Variants in MX2 observed in about 807,000 individuals in gnomAD.
MX2 encodes MX dynamin like GTPase 2.
In MX2, 51 loss-of-function variants were observed where a neutral mutation model predicts 74.0. The ratio of observed to expected loss-of-function variants is 0.69; its 90% CI spans 0.55 to 0.87. MX2 has a LOEUF of 0.87. Ranked by LOEUF, MX2 falls within the 40% of genes least tolerant of loss-of-function variation. The probability of loss-of-function intolerance (pLI) is 0.00; values close to 1 mark genes in which losing one functional copy is unlikely to be tolerated. For missense variants in MX2, 832 were observed against 908.7 expected (o/e 0.92, Z 1.09); for synonymous variants, 369 against 339.3 (o/e 1.09, Z -0.96).
chr21:41,372,334 T>A (rs1253359705), intron 1 of MX2, among the ~76,000 whole-genome samples: 4 of 152,246 alleles, frequency 2.6e-5, no homozygotes, highest in African/African-American at 9.6e-5. Flanking sequence ...CTCATGGCAC[T>A]CAAGGACAGG....
intron 13 of MX2, 54 bp from the exon 14 acceptor site, chr21:41,407,937 C>A (rs1180496202): frequency 6.2e-7 from 1 of 1,603,436 alleles, no homozygotes; most frequent in Non-Finnish European, 8.5e-7. Context: ...TCTCTGCAAC[C>A]ACAGGCCTTG....
Position 41,402,050 on chromosome 21 carries a change from A to G in MX2, c.1495A>G (p.Lys499Glu). 6.2e-7 allele frequency: 1 copy of G among 1,614,210 alleles called. No individual in the cohort carries two copies. The highest frequency in any genetic ancestry group is 8.5e-7 in the Non-Finnish European group (1 of 1,180,040). Reference sequence around the variant, plus strand: ...GGAGCTTCTGGGATTTGTCAACTACAAGACATTTGAGATCATCGTGCATCA... The same window carrying G: ...GGAGCTTCTGGGATTTGTCAACTACGAGACATTTGAGATCATCGTGCATCA... ...GKELLGFVNY[K>E]TFEIIVHQYI... The change falls in exon 11 of 14, where the codon AAG (lysine) becomes GAG (glutamate). Residue 499 changes from lysine (K) to glutamate (E), a missense_variant. Lys to Glu is a moderately conservative substitution (Grantham distance 56). Coordinates refer to ENST00000330714, the MANE Select transcript of MX2 (RefSeq NM_002463.2). This position sits in a 1 kb window ranked among gnomAD's most constrained non-coding sequence, Gnocchi z 4.5.
At position 41,380,250 on chromosome 21, in the gene MX2, C is replaced by A; in HGVS notation, c.577+99C>A. On this transcript the variant is annotated intron_variant, in intron 4 of 13. Transcript: ENST00000330714. This position sits in a 1 kb window ranked among gnomAD's most constrained non-coding sequence, Gnocchi z 4.3. Reference sequence around the variant, plus strand: ...TCAAGTCACCCCCACAGTGACCACTCAGCTCCTAGCCCCATGTGCTCCCAC... The same window carrying A: ...TCAAGTCACCCCCACAGTGACCACTAAGCTCCTAGCCCCATGTGCTCCCAC... 1 of 1,516,686 alleles carries A rather than the reference C, an allele frequency of 6.6e-7. No homozygotes were observed. The highest frequency in any genetic ancestry group is 1.2e-5 in the South Asian group (1 of 80,834). The allele number at this position is 1,516,686 out of a possible 1,614,324, so 94.0% of individuals were successfully genotyped here.
intron 1 of MX2, among the ~76,000 whole-genome samples, chr21:41,376,555 A>G (rs891915033): frequency 1.7e-3 from 208 of 120,380 alleles, no homozygotes; most frequent in African/African-American, 5.2e-3. Context: ...CTCAACAACA[A>G]CAACAACAAC....
At chr21:41,382,698 G>A in intron 5 of MX2, 134 bp downstream of exon 5, 1 of 1,185,686 alleles carries the variant, frequency 8.4e-7, no homozygotes, top group Non-Finnish European at 1.2e-6. Flanking sequence ...GACCTGCCCA[G>A]GTGGGGGCCT....
intron 6 of MX2, 41 bp from the exon 7 acceptor site, chr21:41,395,546 A>T (rs1568945509): frequency 6.2e-7 from 1 of 1,600,572 alleles, no homozygotes; most frequent in East Asian, 2.2e-5. Flanking sequence ...GTTTGAGGGG[A>T]TCACTGACCT....
At chr21:41,376,809 G>A in intron 1 of MX2, 27 bp from the exon 2 acceptor site, 4 of 1,545,156 alleles carry the variant, frequency 2.6e-6, no homozygotes, top group Admixed American at 1.8e-5. Context: ...TGACCTGTGG[G>A]CCGCTCTCCC....
In MX2 at chr21:41,387,573, G is replaced by A. The variant is rs11910411; in HGVS notation, c.733-2992G>A. ...CTGTTGGTCTCTCCTTAAGTGAATT[G>A]TTCCTCACTTCCCTGACCTCCAAAT... On this transcript the variant is annotated intron_variant, in intron 5 of 13. Transcript: ENST00000330714. 8.5e-5 allele frequency among the ~76,000 whole-genome samples: 13 copies of A among 152,090 alleles called. No individual in the cohort carries two copies. In the South Asian group the frequency reaches 2.5e-3, roughly 29 times the overall value.
At chr21:41,391,188 A>G (rs915066028) in intron 6 of MX2, among the ~76,000 whole-genome samples, 2 of 152,126 alleles carry the variant, frequency 1.3e-5, no homozygotes, top group South Asian at 2.1e-4. Context: ...GGTAATATCA[A>G]CTGCCCAGTA....
chr21:41,372,729 A>G (rs2089341349), intron 1 of MX2, among the ~76,000 whole-genome samples: 1 of 152,204 alleles, frequency 6.6e-6, no homozygotes, highest in South Asian at 2.1e-4. Flanking sequence ...TCCCCAAATC[A>G]TAAGCAGCTC....
intron 3 of MX2, among the ~76,000 whole-genome samples, chr21:41,378,220 C>CCGGGAGAGACAGACCAT: frequency 6.6e-6 from 1 of 151,166 alleles, no homozygotes; most frequent in African/African-American, 2.4e-5. Context: ...AGACAGGTCA[C>CCGGGAGAGACAGACCAT]TGGGAGAGAC....
intron 1 of MX2, among the ~76,000 whole-genome samples, chr21:41,375,273 G>A (rs964932895): frequency 6.6e-6 from 1 of 152,232 alleles, no homozygotes; most frequent in Non-Finnish European, 1.5e-5. Context: ...TGCCAGGAGT[G>A]AGGGCTTGGT....
intron 10 of MX2, 110 bp downstream of exon 10, chr21:41,399,447 C>T (rs1456005811): frequency 1.7e-6 from 2 of 1,195,226 alleles, no homozygotes; most frequent in South Asian, 1.6e-5. Flanking sequence ...CATCCAAGAC[C>T]GTGGAACCCT....
At chr21:41,394,715 G>T (rs1022587563) in intron 6 of MX2, among the ~76,000 whole-genome samples, 6 of 152,124 alleles carry the variant, frequency 3.9e-5, no homozygotes, top group African/African-American at 1.2e-4. Context: ...GGCTGAGGTG[G>T]GTGGATCATG....
At chr21:41,378,375 G>A (rs1036691462) in intron 3 of MX2, among the ~76,000 whole-genome samples, 2 of 152,098 alleles carry the variant, frequency 1.3e-5, no homozygotes, top group Admixed American at 6.5e-5. Context: ...CAGGCCTGGT[G>A]GCAGGGGGCT....
rs530993431 is a variant in MX2 at position 41,380,874 on chromosome 21, C to T, written c.577+723C>T. On this transcript the variant is annotated intron_variant, in intron 4 of 13. Coordinates refer to ENST00000330714, the MANE Select transcript of MX2 (RefSeq NM_002463.2). This position sits in a 1 kb window ranked among gnomAD's most constrained non-coding sequence, Gnocchi z 4.3. ...TCTCAACCTCCCTAAAGGCTTCTCCCCTATCCTGCCTGCACAGCCTGTCCT... is the reference window on the plus strand; with the variant it reads ...TCTCAACCTCCCTAAAGGCTTCTCCTCTATCCTGCCTGCACAGCCTGTCCT... 6.6e-5 allele frequency among the ~76,000 whole-genome samples: 10 copies of T among 152,332 alleles called. No homozygotes were observed. Among genetic ancestry groups the T allele is most frequent in the East Asian group, 1.9e-4 (1 of 5,184 alleles).
At chr21:41,396,878 T>G (rs1467646454) in intron 7 of MX2, among the ~76,000 whole-genome samples, 1 of 152,226 alleles carries the variant, frequency 6.6e-6, no homozygotes, top group Non-Finnish European at 1.5e-5. Context: ...GTGCTAGCTC[T>G]GTCCTGCTCT....
At chr21:41,377,272 A>G in intron 2 of MX2, 117 bp downstream of exon 2, 2 of 1,388,334 alleles carry the variant, frequency 1.4e-6, no homozygotes, top group Non-Finnish European at 2.0e-6. Flanking sequence ...AGCACAGCTG[A>G]TGTCTCCAGC....
Position 41,406,865 on chromosome 21 carries a change from A to G in MX2, c.1772A>G (p.Lys591Arg). 6.2e-7 allele frequency: 1 copy of G among 1,614,258 alleles called. No individual in the cohort carries two copies. The highest frequency in any genetic ancestry group is 8.5e-7 in the Non-Finnish European group (1 of 1,180,050). ...QDQIYSVVLK[K>R]VREEIFNPLG... ...CAGATTTACAGTGTTGTTCTGAAGAAAGTCCGAGAAGAGATTTTTAACCCT... is the reference window on the plus strand; with the variant it reads ...CAGATTTACAGTGTTGTTCTGAAGAGAGTCCGAGAAGAGATTTTTAACCCT... The change falls in exon 13 of 14, where the codon AAA becomes AGA. Residue 591 changes from lysine (K) to arginine (R), a missense_variant. Lys to Arg is a conservative substitution (Grantham distance 26). Transcript: ENST00000330714.
Sources: allele counts gnomAD v4.1 joint callset (sites outside exome capture counted in the v4.1 genomes callset), GRCh38; gene constraint gnomAD v4.1.1; non-coding constraint Gnocchi (gnomAD v3.1); transcripts MANE v1.5; gene names NCBI Gene and HGNC (gene_info 2026-07-23, HGNC 2026-07-21).